The following UNC13B variants were observed in gnomAD, a reference collection of about 807,000 sequenced individuals.
The protein encoded by UNC13B is unc-13 homolog B.
UNC13B carries 144 observed loss-of-function variants against 211.0 expected under a neutral mutation model. That is an observed-to-expected ratio of 0.68 (90% CI 0.60 to 0.78). The LOEUF (loss-of-function observed/expected upper bound fraction) is 0.78, where lower values mean the gene tolerates loss of function less well. UNC13B is among the 30% of genes least tolerant of loss of function. UNC13B has a pLI of 0.00. For synonymous variants in UNC13B, 709 were observed against 725.8 expected (o/e 0.98, Z 0.37); for missense variants, 1,777 against 2,002.0 (o/e 0.89, Z 2.14).
chr9:35,396,464 C>G lies in UNC13B; in HGVS notation c.11309-12C>G, dbSNP rs1248809477. 1.9e-6 allele frequency: 3 copies of G among 1,614,028 alleles called. No individual in the cohort carries two copies. The highest frequency in any genetic ancestry group is 1.3e-5 in the African/African-American group (1 of 75,034). ...TGCTGGGACCTGACCCAACCTTTCT[C>G]CCTACCACTAGAGCATGAGAAAGAC... On this transcript the variant is annotated splice_polypyrimidine_tract_variant and intron_variant, in intron 26 of 39. Transcript: ENST00000635942.
At chr9:35,388,434 A>T (rs929719260) in intron 24 of UNC13B, among the ~76,000 whole-genome samples, 3 of 152,164 alleles carry the variant, frequency 2.0e-5, no homozygotes, top group African/African-American at 4.8e-5. Flanking sequence ...TAAAAATAAG[A>T]TAAAGAAGTA....
At chr9:35,224,433 C>G (rs997516829) in intron 1 of UNC13B, among the ~76,000 whole-genome samples, 4 of 151,978 alleles carry the variant, frequency 2.6e-5, no homozygotes, top group Non-Finnish European at 4.4e-5. Flanking sequence ...TTTTAAATTT[C>G]TTTTTCAGCT....
chr9:35,353,018 C>T (rs1167462600), intron 11 of UNC13B: 32 of 1,232,000 alleles, frequency 2.6e-5, no homozygotes, highest in Non-Finnish European at 3.1e-5. Flanking sequence ...CGAAGCTGGG[C>T]TCGATATTCT....
chr9:35,286,391 C>T (rs547016879), intron 7 of UNC13B, among the ~76,000 whole-genome samples: 1 of 152,018 alleles, frequency 6.6e-6, no homozygotes, highest in South Asian at 2.1e-4. Context: ...TGCCACCATG[C>T]TTGGCTAATT....
intron 24 of UNC13B, among the ~76,000 whole-genome samples, chr9:35,388,524 T>C (rs1835327738): frequency 6.6e-6 from 1 of 152,250 alleles, no homozygotes; most frequent in South Asian, 2.1e-4. Context: ...TCTTTAAAAC[T>C]GCATGACTTT....
intron 1 of UNC13B, among the ~76,000 whole-genome samples, chr9:35,205,893 TTGAGG>T (rs1823616188): frequency 9.0e-6 from 1 of 111,644 alleles, no homozygotes; most frequent in Non-Finnish European, 2.1e-5. Context: ...TTTTTAAAAC[TTGAGG>T]TGAGGCTGGG....
chr9:35,344,657 T>C (rs1832239637), intron 11 of UNC13B, among the ~76,000 whole-genome samples: 1 of 152,144 alleles, frequency 6.6e-6, no homozygotes, highest in African/African-American at 2.4e-5. Flanking sequence ...AACAGATTAA[T>C]GACAACAAGG....
At chr9:35,165,496 C>CA (rs950561273) in intron 1 of UNC13B, among the ~76,000 whole-genome samples, 6 of 150,650 alleles carry the variant, frequency 4.0e-5, no homozygotes, top group South Asian at 2.1e-4. Context: ...CAGCTCACTG[C>CA]AACTTCTGCC....
At chr9:35,194,228 T>G (rs1822818582) in intron 1 of UNC13B, among the ~76,000 whole-genome samples, 2 of 152,142 alleles carry the variant, frequency 1.3e-5, no homozygotes, top group Admixed American at 6.5e-5. Flanking sequence ...TTCCTGATCT[T>G]GCCAAACAAA....
At chr9:35,336,137 C>G (rs1219838779) in intron 11 of UNC13B, among the ~76,000 whole-genome samples, 1 of 152,138 alleles carries the variant, frequency 6.6e-6, no homozygotes, top group Non-Finnish European at 1.5e-5. Flanking sequence ...ACTGATAAAT[C>G]CCAAATTACT....
intron 7 of UNC13B, among the ~76,000 whole-genome samples, chr9:35,283,499 C>T (rs1370248195): frequency 1.3e-5 from 2 of 152,100 alleles, no homozygotes; most frequent in Admixed American, 1.3e-4. Context: ...CCCCCACCCA[C>T]CTCTTCACCC....
chr9:35,215,847 G>C (rs1368672481), intron 1 of UNC13B, among the ~76,000 whole-genome samples: 1 of 152,138 alleles, frequency 6.6e-6, no homozygotes, highest in African/African-American at 2.4e-5. Flanking sequence ...CTCTGAGCCG[G>C]AGTTTTAATC....
At chr9:35,288,892 A>G (rs1828938033) in intron 7 of UNC13B, among the ~76,000 whole-genome samples, 1 of 151,990 alleles carries the variant, frequency 6.6e-6, no homozygotes, top group Non-Finnish European at 1.5e-5. Flanking sequence ...GAGCAATCTA[A>G]GTTGATAGAC....
intron 20 of UNC13B, 50 bp downstream of exon 20, chr9:35,381,769 C>T: frequency 1.9e-6 from 3 of 1,593,646 alleles, no homozygotes; most frequent in Non-Finnish European, 2.6e-6. Context: ...ACTGGGGTGG[C>T]TAATTAAGGC....
chr9:35,222,991 T>C (rs1350608707), intron 1 of UNC13B, among the ~76,000 whole-genome samples: 1 of 152,234 alleles, frequency 6.6e-6, no homozygotes, highest in Non-Finnish European at 1.5e-5. Flanking sequence ...AACATGATGC[T>C]ATCCAGTTCC....
At chr9:35,335,904 C>CCT (rs898342273) in intron 11 of UNC13B, among the ~76,000 whole-genome samples, 1 of 152,004 alleles carries the variant, frequency 6.6e-6, no homozygotes, top group Admixed American at 6.6e-5. Context: ...TGGGGGTCCC[C>CCT]CTATGTTGCC....
rs1301158119 is a variant in UNC13B at position 35,310,475 on chromosome 9, G to A, written c.9017G>A (p.Ser3006Asn). The A allele has an allele frequency of 6.2e-6, 10 of 1,612,448 alleles. No homozygotes were observed. Among genetic ancestry groups the A allele is most frequent in the Non-Finnish European group, 8.5e-6 (10 of 1,178,740 alleles). Residue 3006 changes from serine to asparagine, a missense_variant, in exon 10 of 40, where the codon AGC becomes AAC. Ser to Asn is a conservative substitution (Grantham distance 46, BLOSUM62 1). Transcript: ENST00000635942. ...KEPMTNKSPT[S>N]SSRYGSSCNV... Reference sequence around the variant, plus strand: ...TTCTGTCATTCTCACAGCCCCACCAGCAGCAGTAGGTATGGCTCCTCCTGT... The same window carrying A: ...TTCTGTCATTCTCACAGCCCCACCAACAGCAGTAGGTATGGCTCCTCCTGT...
At position 35,231,239 on chromosome 9, in the gene UNC13B, A is replaced by T. The variant is rs1377413148; in HGVS notation, c.152+20A>T. The T allele has an allele frequency of 6.9e-7, 1 of 1,457,898 alleles. No homozygotes were observed. The highest frequency in any genetic ancestry group is 1.4e-5 in the African/African-American group (1 of 72,052). 90.3% of individuals were successfully genotyped at this position (1,457,898 alleles called of 1,614,324 possible). ...CATGTTGTAAGTATTTTGCAGCAGC[A>T]GTGTGCCTACATATTTTATAATCTT... On this transcript the variant is annotated intron_variant, in intron 3 of 39. Coordinates refer to ENST00000635942, the MANE Select transcript of UNC13B (RefSeq NM_001371189.2).
intron 11 of UNC13B, among the ~76,000 whole-genome samples, chr9:35,323,400 A>G (rs1564136163): frequency 6.6e-6 from 1 of 152,164 alleles, no homozygotes; most frequent in Non-Finnish European, 1.5e-5. Flanking sequence ...TTTCTAATGT[A>G]GTTGCAATGC....
Sources: allele counts gnomAD v4.1 joint callset (sites outside exome capture counted in the v4.1 genomes callset), GRCh38; gene constraint gnomAD v4.1.1; transcripts MANE v1.5; gene names NCBI Gene and HGNC (gene_info 2026-07-23, HGNC 2026-07-21).